SEC14L1: variants seen among roughly 807,000 people sequenced by gnomAD.
SEC14L1 encodes SEC14 like lipid binding 1.
In SEC14L1, 48 loss-of-function variants were observed where a neutral mutation model predicts 85.3. The observed-to-expected ratio is 0.56, with a 90% CI of 0.45 to 0.72. The LOEUF (loss-of-function observed/expected upper bound fraction) is 0.72, where lower values mean the gene tolerates loss of function less well. Among genes scored for constraint, SEC14L1 ranks in the 30% least tolerant of loss-of-function variants. SEC14L1 has a pLI of 0.00. For missense variants in SEC14L1, 682 were observed against 921.4 expected (o/e 0.74, Z 3.36); for synonymous variants, 391 against 355.5 (o/e 1.10, Z -1.12).
Position 77,216,016 on chromosome 17 carries a change from G to A in SEC14L1, c.*1993G>A, listed in dbSNP as rs1977039596. 6.4e-6 allele frequency: 6 copies of A among 943,004 alleles called. No individual in the cohort carries two copies. Among genetic ancestry groups the A allele is most frequent in the Non-Finnish European group, 6.2e-6 (5 of 802,598 alleles). 58.4% of individuals were successfully genotyped at this position (943,004 alleles called of 1,614,324 possible). On this transcript the variant is annotated 3_prime_UTR_variant, in exon 17 of 17. Transcript: ENST00000436233. ...CTAGTAGGTAGGGTTCGTAGGTAGG[G>A]TTCGTAGGTAGGGCTAGTAGGTAGG...
At chr17:77,100,492 A>G (rs1403881585) in intron 3 of SEC14L1, among the ~76,000 whole-genome samples, 4 of 116,858 alleles carry the variant, frequency 3.4e-5, no homozygotes, top group Admixed American at 2.5e-4. Flanking sequence ...GCTGGATTGC[A>G]GTGCTGTGAT....
intron 3 of SEC14L1, among the ~76,000 whole-genome samples, chr17:77,184,030 C>T (rs549594561): frequency 1.1e-4 from 16 of 152,318 alleles, no homozygotes; most frequent in Non-Finnish European, 5.9e-5. Flanking sequence ...AGGTGATTCG[C>T]TTGCCTTGAC....
chr17:77,213,990 C>T lies in SEC14L1; in HGVS notation c.2115C>T (p.Ser705=). 6.2e-7 allele frequency: 1 copy of T among 1,613,366 alleles called. No homozygotes were observed. Among genetic ancestry groups the T allele is most frequent in the Non-Finnish European group, 8.5e-7 (1 of 1,179,970 alleles). The part of the protein sequence containing the change: ...SQLSAATTSS[S]QSHSSSMISR ...TGAGTGCCGCCACCACCTCCTCCAGCCAGTCCCACTCCAGCTCCATGATCT... is the reference window on the plus strand; with the variant it reads ...TGAGTGCCGCCACCACCTCCTCCAGTCAGTCCCACTCCAGCTCCATGATCT... The change falls in exon 17 of 17, where the codon AGC becomes AGT. Residue 705 remains serine, a synonymous_variant. Transcript: ENST00000436233. The surrounding 1 kb of genome is among the most constrained non-coding windows in gnomAD (Gnocchi z 7.1).
At position 77,141,034 on chromosome 17, in the gene SEC14L1, G is replaced by A. The variant is rs975963812; in HGVS notation, c.-209G>A. 4 of 151,282 alleles carry A rather than the reference G, an allele frequency of 2.6e-5. No homozygotes were observed. Among genetic ancestry groups the A allele is most frequent in the African/African-American group, 9.7e-5 (4 of 41,132 alleles). 9.4% of individuals were successfully genotyped at this position (151,282 alleles called of 1,614,324 possible). On this transcript the variant is annotated 5_prime_UTR_variant, in exon 1 of 17. Transcript: ENST00000436233. ...TACGGTCGCGGAGCAGTGGAACCGA[G>A]ACTGCCCCGCGGAGCCGCCGGTATG...
chr17:77,204,541 TTTTTTTTTA>T (rs1976364912), intron 10 of SEC14L1, among the ~76,000 whole-genome samples: 1 of 149,262 alleles, frequency 6.7e-6, no homozygotes, highest in Non-Finnish European at 1.5e-5. Flanking sequence ...TTTTTTTTTT[TTTTTTTTTA>T]AAGAGACATC....
intron 5 of SEC14L1, among the ~76,000 whole-genome samples, chr17:77,191,917 C>T (rs1975561897): frequency 6.6e-6 from 1 of 151,942 alleles, no homozygotes; most frequent in Non-Finnish European, 1.5e-5. Flanking sequence ...ATTCCCCAGC[C>T]TCCCAAGTAG....
At chr17:77,196,012 T>G (rs898220764) in intron 7 of SEC14L1, among the ~76,000 whole-genome samples, 190 bp from the exon 8 acceptor site, 1 of 152,164 alleles carries the variant, frequency 6.6e-6, no homozygotes, top group Non-Finnish European at 1.5e-5. Context: ...TACCTGTGGT[T>G]TAGTCAGTGA....
chr17:77,158,185 G>A (rs1973893883), intron 3 of SEC14L1, among the ~76,000 whole-genome samples: 1 of 152,298 alleles, frequency 6.6e-6, no homozygotes, highest in Non-Finnish European at 1.5e-5. Flanking sequence ...ATCGTGCCCG[G>A]CCTGTAACCA....
chr17:77,091,803 C>G lies in SEC14L1; in HGVS notation c.-239-1441C>G, dbSNP rs544271679. ...TGGAGGTCTCCAACAGAGACAATAA[C>G]AGTTTATGAAATTTTTTTTTTTTTT... On this transcript the variant is annotated intron_variant, in intron 2 of 19. Coordinates refer to the SEC14L1 transcript ENST00000392476. Among the ~76,000 whole-genome samples the G allele has an allele frequency of 7.6e-4, 115 of 152,002 alleles. 1 individual carries two copies. Among genetic ancestry groups the G allele is most frequent in the Admixed American group, 2.3e-3 (35 of 15,224 alleles).
intron 3 of SEC14L1, among the ~76,000 whole-genome samples, chr17:77,149,422 C>A (rs1002994440): frequency 5.9e-5 from 9 of 152,270 alleles, no homozygotes; most frequent in African/African-American, 1.4e-4. Context: ...CATGATGGCG[C>A]CTGTCTGTAG....
intron 3 of SEC14L1, among the ~76,000 whole-genome samples, chr17:77,153,541 A>T (rs1354326325): frequency 6.6e-6 from 1 of 152,134 alleles, no homozygotes; most frequent in Non-Finnish European, 1.5e-5. Context: ...TTATTTATTT[A>T]TTTTTGTAGT....
At chr17:77,107,252 C>G (rs1309631339) in intron 3 of SEC14L1, among the ~76,000 whole-genome samples, 1 of 152,142 alleles carries the variant, frequency 6.6e-6, no homozygotes, top group Non-Finnish European at 1.5e-5. Flanking sequence ...GGTCCAGGCT[C>G]CAGGCACCAG....
chr17:77,107,123 G>A (rs1039829349), intron 3 of SEC14L1, among the ~76,000 whole-genome samples: 4 of 152,210 alleles, frequency 2.6e-5, no homozygotes, highest in Non-Finnish European at 4.4e-5. Context: ...TGGGGCAGGG[G>A]AGAATCTAAT....
chr17:77,167,110 G>T (rs761918542), intron 3 of SEC14L1, among the ~76,000 whole-genome samples: 11 of 150,886 alleles, frequency 7.3e-5, no homozygotes, highest in Non-Finnish European at 1.6e-4. Flanking sequence ...GTTCTTAAAA[G>T]AAGCTTGTTT....
chr17:77,212,254 G>C, intron 15 of SEC14L1, 53 bp downstream of exon 15: 2 of 1,597,416 alleles, frequency 1.3e-6, no homozygotes, highest in Non-Finnish European at 8.5e-7. Flanking sequence ...ACGGCCAGGT[G>C]ATTCTGTCTT....
chr17:77,089,820 A>C (rs1346436005), intron 2 of SEC14L1: 1 of 185,612 alleles, frequency 5.4e-6, no homozygotes. Context: ...GTTCGAGACC[A>C]GTCTGGCCAA....
rs73998640 is a variant in SEC14L1, at chr17:77,178,065, C to T, written c.64-12738C>T. ...TTCCCTTTCTTCCCCTCCCCCCCCC[C>T]TTTTTTTTTTGAGTGCAGTGTTCAT... On this transcript the variant is annotated intron_variant, in intron 3 of 16. Coordinates refer to ENST00000436233, the MANE Select transcript of SEC14L1 (RefSeq NM_001143998.2). Among the ~76,000 whole-genome samples the T allele has an allele frequency of 1.5e-3, 199 of 136,492 alleles. 1 individual carries two copies. Among genetic ancestry groups the T allele is most frequent in the African/African-American group, 4.9e-3 (167 of 33,840 alleles). 89.5% of individuals were successfully genotyped at this position (136,492 alleles called of 152,430 possible). A position where few individuals can be genotyped will look rare whatever the true frequency, so the allele number is the denominator to read the frequency against.
intron 13 of SEC14L1, among the ~76,000 whole-genome samples, chr17:77,208,071 C>T (rs889949283): frequency 6.6e-5 from 10 of 152,098 alleles, no homozygotes; most frequent in African/African-American, 1.2e-4. Context: ...AAAAGTTACC[C>T]GTTTGGAATG....
At chr17:77,185,854 A>G (rs1204088036) in intron 3 of SEC14L1, among the ~76,000 whole-genome samples, 6 of 152,158 alleles carry the variant, frequency 3.9e-5, no homozygotes, top group African/African-American at 1.4e-4. Flanking sequence ...CTGTGGTGGG[A>G]TCTGAGCAGG....
Sources: gnomAD v4.1 joint callset for allele counts (sites outside exome capture counted in the v4.1 genomes callset) on GRCh38, gnomAD v4.1.1 for gene constraint, Gnocchi (gnomAD v3.1) non-coding constraint, MANE v1.5 for transcripts, NCBI Gene and HGNC (gene_info 2026-07-23, HGNC 2026-07-21) for gene names.